CTNNA3: variants seen among roughly 807,000 people sequenced by gnomAD.
The protein encoded by CTNNA3 is catenin alpha-3.
CTNNA3 carries 76 observed loss-of-function variants against 95.7 expected under a neutral mutation model. The observed-to-expected ratio is 0.79, with a 90% CI of 0.66 to 0.96. CTNNA3 has a LOEUF of 0.96. Among genes scored for constraint, CTNNA3 ranks in the 40% least tolerant of loss-of-function variants. The pLI, the probability that CTNNA3 is intolerant of heterozygous loss-of-function variation, is 0.00. For synonymous variants in CTNNA3, 431 were observed against 374.4 expected (o/e 1.15, Z -1.74); for missense variants, 1,191 against 1,089.8 (o/e 1.09, Z -1.31).
At chr10:66,400,064 C>T (rs1377257535) in intron 11 of CTNNA3, among the ~76,000 whole-genome samples, 2 of 151,914 alleles carry the variant, frequency 1.3e-5, no homozygotes, top group Admixed American at 6.6e-5. Flanking sequence ...TGTGTGCATA[C>T]ATACATATGC....
intron 1 of CTNNA3, among the ~76,000 whole-genome samples, chr10:67,692,333 T>C (rs1276828905): frequency 1.1e-4 from 16 of 147,062 alleles, no homozygotes; most frequent in Admixed American, 3.4e-4. Flanking sequence ...AGAAATCGGA[T>C]GGTTGCCGTG....
At chr10:66,684,726 T>C (rs1357357783) in intron 9 of CTNNA3, among the ~76,000 whole-genome samples, 1 of 152,120 alleles carries the variant, frequency 6.6e-6, no homozygotes, top group African/African-American at 2.4e-5. Flanking sequence ...CTTAGGAATG[T>C]TACTTATAAA....
intron 11 of CTNNA3, among the ~76,000 whole-genome samples, chr10:66,516,093 A>G (rs1224524931): frequency 7.1e-6 from 1 of 141,092 alleles, no homozygotes; most frequent in Non-Finnish European, 1.5e-5. Flanking sequence ...TAACCCATCT[A>G]TTCATTGGTT....
intron 7 of CTNNA3, among the ~76,000 whole-genome samples, chr10:67,022,902 C>T (rs552897584): frequency 4.7e-4 from 71 of 152,116 alleles, no homozygotes; most frequent in Non-Finnish European, 8.8e-4. Context: ...CATGCCATTG[C>T]ACTCCAGCCT....
chr10:67,025,005 C>T (rs958837624), intron 7 of CTNNA3, among the ~76,000 whole-genome samples: 1 of 151,696 alleles, frequency 6.6e-6, no homozygotes, highest in Non-Finnish European at 1.5e-5. Context: ...TGGCGCATGC[C>T]TGTAATCTCA....
intron 11 of CTNNA3, among the ~76,000 whole-genome samples, chr10:66,408,991 G>A (rs1038967943): frequency 6.6e-6 from 1 of 152,030 alleles, no homozygotes; most frequent in African/African-American, 2.4e-5. Context: ...ATACTTTTTT[G>A]CTAATAGGTA....
intron 12 of CTNNA3, among the ~76,000 whole-genome samples, chr10:66,327,289 T>A (rs993392437): frequency 6.6e-6 from 1 of 152,162 alleles, no homozygotes; most frequent in Non-Finnish European, 1.5e-5. Flanking sequence ...ATACAGTGAA[T>A]AAATTGTGTT....
At chr10:66,933,616 T>A (rs1847530043) in intron 7 of CTNNA3, among the ~76,000 whole-genome samples, 1 of 152,186 alleles carries the variant, frequency 6.6e-6, no homozygotes, top group African/African-American at 2.4e-5. Flanking sequence ...TGCTCTGATG[T>A]TTCTCCCCTG....
In CTNNA3 at chr10:66,851,100, C is replaced by T. The variant is rs117897491; in HGVS notation, c.1048-75576G>A. 4.7e-4 allele frequency among the ~76,000 whole-genome samples: 71 copies of T among 152,272 alleles called. 2 individuals carry two copies. In the East Asian group the frequency reaches 0.014, roughly 29 times the overall value. ...AAGACAACCTTCACTGATAACCTGG[C>T]TTGGAAGATCCTTTCTGATTTCCTC... On this transcript the variant is annotated intron_variant, in intron 7 of 17. Transcript: ENST00000433211.
chr10:66,269,645 G>A lies in CTNNA3; in HGVS notation c.1884+10825C>T, dbSNP rs374745633. ...AATCATTAAATTTATAGATAATTTT[G>A]TGACTTTTTAGAGCTTATAACACCA... On this transcript the variant is annotated intron_variant, in intron 13 of 17. Transcript: ENST00000433211. 1.8e-4 allele frequency among the ~76,000 whole-genome samples: 28 copies of A among 152,146 alleles called. No individual in the cohort carries two copies. In the East Asian group the frequency reaches 2.7e-3, roughly 15 times the overall value.
chr10:67,436,286 A>G (rs2132914379), intron 5 of CTNNA3, among the ~76,000 whole-genome samples: 1 of 152,284 alleles, frequency 6.6e-6, no homozygotes, highest in East Asian at 1.9e-4. Context: ...GGATAATGAA[A>G]CTGGATCCTA....
chr10:66,207,076 T>C (rs1362808921), intron 13 of CTNNA3, among the ~76,000 whole-genome samples: 1 of 151,848 alleles, frequency 6.6e-6, no homozygotes, highest in Non-Finnish European at 1.5e-5. Flanking sequence ...CAAATGAATA[T>C]TATCTAACAC....
chr10:66,245,922 A>C (rs150078312), intron 13 of CTNNA3, among the ~76,000 whole-genome samples: 118 of 152,234 alleles, frequency 7.8e-4, no homozygotes, highest in African/African-American at 2.8e-3. Flanking sequence ...TTTGGCTTTT[A>C]TGGGCCTCAA....
At chr10:67,059,398 T>A (rs778194689) in intron 7 of CTNNA3, among the ~76,000 whole-genome samples, 1 of 152,094 alleles carries the variant, frequency 6.6e-6, no homozygotes, top group African/African-American at 2.4e-5. Flanking sequence ...AAATAAAGAA[T>A]TGAAAACAAT....
intron 7 of CTNNA3, among the ~76,000 whole-genome samples, chr10:66,877,315 G>A (rs1300806988): frequency 2.6e-5 from 4 of 152,138 alleles, no homozygotes; most frequent in Non-Finnish European, 4.4e-5. Flanking sequence ...AGGGTATGGC[G>A]AGGGTTTAAT....
chr10:67,073,265 T>C (rs1856562398), intron 7 of CTNNA3, among the ~76,000 whole-genome samples: 1 of 152,220 alleles, frequency 6.6e-6, no homozygotes, highest in Non-Finnish European at 1.5e-5. Context: ...ATAGCTCTGA[T>C]TAGTTTTTAA....
chr10:67,313,679 T>C, intron 5 of CTNNA3, among the ~76,000 whole-genome samples: 1 of 152,018 alleles, frequency 6.6e-6, no homozygotes, highest in South Asian at 2.1e-4. Context: ...GCTACAAAAG[T>C]ATAGGTGAGA....
intron 7 of CTNNA3, among the ~76,000 whole-genome samples, chr10:66,790,125 T>C (rs1228025832): frequency 6.6e-6 from 1 of 152,112 alleles, no homozygotes; most frequent in Non-Finnish European, 1.5e-5. Flanking sequence ...AGACTAAAAA[T>C]ACTCAAGTTA....
At chr10:66,700,273 T>C (rs570974479) in intron 9 of CTNNA3, among the ~76,000 whole-genome samples, 6 of 152,278 alleles carry the variant, frequency 3.9e-5, no homozygotes, top group East Asian at 1.9e-4. Context: ...TCAACTCTTA[T>C]GGTTAGGTAT....
Sources: gnomAD v4.1 joint callset for allele counts (sites outside exome capture counted in the v4.1 genomes callset) on GRCh38, gnomAD v4.1.1 for gene constraint, MANE v1.5 for transcripts, NCBI Gene and HGNC (gene_info 2026-07-23, HGNC 2026-07-21) for gene names.